The following ZFAND3 variants were observed in gnomAD, a reference collection of about 807,000 sequenced individuals.
The protein encoded by ZFAND3 is zinc finger AN1-type containing 3.
In ZFAND3, 10 loss-of-function variants were observed where a neutral mutation model predicts 29.6. The ratio of observed to expected loss-of-function variants is 0.34; its 90% CI spans 0.21 to 0.57. The LOEUF (loss-of-function observed/expected upper bound fraction) is 0.57. Ranked by LOEUF, ZFAND3 falls within the 20% of genes least tolerant of loss-of-function variation. ZFAND3 has a pLI of 0.86. For synonymous variants in ZFAND3, 128 were observed against 112.6 expected, an observed-to-expected ratio of 1.14 and a Z score of -0.87; for missense variants, 230 against 304.5, an observed-to-expected ratio of 0.76 and a Z score of 1.82.
At chr6:37,879,652 A>G (rs1209938305) in intron 1 of ZFAND3, among the ~76,000 whole-genome samples, 1 of 152,224 alleles carries the variant, frequency 6.6e-6, no homozygotes, top group Non-Finnish European at 1.5e-5. Context: ...AGAGTATTCA[A>G]GTAACTGGGA....
intron 1 of ZFAND3, among the ~76,000 whole-genome samples, chr6:37,884,171 A>G (rs1300772761): frequency 3.4e-5 from 5 of 145,310 alleles, no homozygotes; most frequent in Non-Finnish European, 7.4e-5. Context: ...AATGAAATAT[A>G]CCTTGATTCA....
At chr6:38,140,803 T>G (rs1305196282) in intron 5 of ZFAND3, among the ~76,000 whole-genome samples, 4 of 152,250 alleles carry the variant, frequency 2.6e-5, no homozygotes, top group South Asian at 2.1e-4. Flanking sequence ...AGTCCTTTAG[T>G]GGGCTATCCA....
At chr6:37,872,348 C>T (rs1457486938) in intron 1 of ZFAND3, among the ~76,000 whole-genome samples, 1 of 152,094 alleles carries the variant, frequency 6.6e-6, no homozygotes, top group South Asian at 2.1e-4. Flanking sequence ...ATGGTTTTTA[C>T]GTATGGAACA....
intron 2 of ZFAND3, among the ~76,000 whole-genome samples, chr6:38,040,598 T>C (rs952127487): frequency 4.6e-5 from 7 of 152,216 alleles, no homozygotes; most frequent in African/African-American, 4.8e-5. Flanking sequence ...TTCAAACATA[T>C]ACAGAAAAGC....
intron 1 of ZFAND3, among the ~76,000 whole-genome samples, chr6:37,864,789 ACT>A (rs2127385424): frequency 6.6e-6 from 1 of 151,742 alleles, no homozygotes; most frequent in Non-Finnish European, 1.5e-5. Flanking sequence ...ATACACGCAC[ACT>A]CTCACTCTAT....
At chr6:38,151,918 A>G (rs1236162295) in intron 5 of ZFAND3, among the ~76,000 whole-genome samples, 1 of 152,120 alleles carries the variant, frequency 6.6e-6, no homozygotes, top group East Asian at 1.9e-4. Flanking sequence ...TTCCGCCTGC[A>G]TGGTGCTGGA....
At chr6:38,123,950 C>T (rs375905030) in intron 5 of ZFAND3, among the ~76,000 whole-genome samples, 10 of 152,160 alleles carry the variant, frequency 6.6e-5, no homozygotes, top group East Asian at 3.9e-4. Context: ...GAAGGGGACG[C>T]GAGTAGGTTG....
intron 1 of ZFAND3, among the ~76,000 whole-genome samples, chr6:37,919,103 G>A (rs1478022844): frequency 1.3e-5 from 2 of 151,920 alleles, no homozygotes; most frequent in African/African-American, 2.4e-5. Flanking sequence ...ACAGGCATGC[G>A]CTACCACGCC....
At chr6:38,140,469 A>AT in intron 5 of ZFAND3, among the ~76,000 whole-genome samples, 1 of 151,956 alleles carries the variant, frequency 6.6e-6, no homozygotes, top group East Asian at 1.9e-4. Flanking sequence ...AGATTTAGTG[A>AT]TTTTCAGGCT....
At chr6:37,939,925 A>G (rs1351849769) in intron 2 of ZFAND3, among the ~76,000 whole-genome samples, 1 of 152,168 alleles carries the variant, frequency 6.6e-6, no homozygotes, top group Non-Finnish European at 1.5e-5. Context: ...CTGTAATCCC[A>G]GCTACTCCGG....
chr6:38,039,323 G>T (rs1319160838), intron 2 of ZFAND3, among the ~76,000 whole-genome samples: 2 of 152,122 alleles, frequency 1.3e-5, no homozygotes, highest in African/African-American at 4.8e-5. Flanking sequence ...ATGATTTTTA[G>T]CAACTTGAAG....
intron 2 of ZFAND3, among the ~76,000 whole-genome samples, chr6:38,035,167 T>G (rs1300642911): frequency 1.3e-5 from 2 of 152,166 alleles, no homozygotes; most frequent in African/African-American, 4.8e-5. Flanking sequence ...TTTTCCTTGG[T>G]GAACTATAGC....
At chr6:37,834,695 C>T (rs531540644) in intron 1 of ZFAND3, among the ~76,000 whole-genome samples, 79 of 151,610 alleles carry the variant, frequency 5.2e-4, no homozygotes, top group African/African-American at 1.7e-3. Context: ...GATACATATG[C>T]ATATATCATT....
chr6:37,863,622 C>G (rs78600827), intron 1 of ZFAND3, among the ~76,000 whole-genome samples: 1 of 136,956 alleles, frequency 7.3e-6, no homozygotes, highest in Middle Eastern at 3.4e-3. Flanking sequence ...TTTTTTTTTT[C>G]TTTTTCAGTT....
chr6:37,887,482 C>G (rs1489767112), intron 1 of ZFAND3, among the ~76,000 whole-genome samples: 2 of 152,026 alleles, frequency 1.3e-5, no homozygotes, highest in African/African-American at 4.8e-5. Context: ...ATAATCAAAT[C>G]AGAACTTACT....
At chr6:37,990,436 A>G (rs1371183613) in intron 2 of ZFAND3, among the ~76,000 whole-genome samples, 1 of 152,218 alleles carries the variant, frequency 6.6e-6, no homozygotes, top group African/African-American at 2.4e-5. Context: ...ACTGTATTTG[A>G]AATAGCACAT....
At chr6:37,986,270 C>T (rs186456088) in intron 2 of ZFAND3, among the ~76,000 whole-genome samples, 1 of 152,206 alleles carries the variant, frequency 6.6e-6, no homozygotes, top group Admixed American at 6.5e-5. Flanking sequence ...TTGTCCTGAG[C>T]CTAGCTTACT....
At chr6:38,095,431 T>C (rs913295671) in intron 4 of ZFAND3, among the ~76,000 whole-genome samples, 3 of 152,074 alleles carry the variant, frequency 2.0e-5, no homozygotes, top group Non-Finnish European at 4.4e-5. Context: ...TAATTGCCTT[T>C]CTTTTTTTTT....
At chr6:38,119,849 A>G (rs923520239) in intron 5 of ZFAND3, among the ~76,000 whole-genome samples, 1 of 152,258 alleles carries the variant, frequency 6.6e-6, no homozygotes, top group African/African-American at 2.4e-5. Flanking sequence ...GCCTTCTTAC[A>G]TAGGGAACAG....
Sources: gnomAD v4.1 joint callset for allele counts (sites outside exome capture counted in the v4.1 genomes callset) on GRCh38, gnomAD v4.1.1 for gene constraint, MANE v1.5 for transcripts, NCBI Gene and HGNC (gene_info 2026-07-23, HGNC 2026-07-21) for gene names.